The following MARCHF3 variants were observed in gnomAD, a reference collection of about 807,000 sequenced individuals.
MARCHF3 encodes the protein membrane associated ring-CH-type finger 3, also known as E3 ubiquitin-protein ligase MARCHF3.
In MARCHF3, 13 loss-of-function variants were observed where a neutral mutation model predicts 24.2. The observed-to-expected ratio is 0.54, with a 90% confidence interval of 0.35 to 0.85. The LOEUF is 0.85. Ranked by LOEUF, MARCHF3 falls within the 40% of genes least tolerant of loss-of-function variation. The pLI is 0.01. For missense variants in MARCHF3, 276 were observed against 325.0 expected (o/e 0.85, Z 1.16); for synonymous variants, 144 against 137.3 (o/e 1.05, Z -0.34).
chr5:126,894,871 G>A (rs1252734458), intron 3 of MARCHF3, among the ~76,000 whole-genome samples: 2 of 151,516 alleles, frequency 1.3e-5, no homozygotes, highest in African/African-American at 4.8e-5. Context: ...TGCTAGATTG[G>A]GGAAGTTCTC....
intron 3 of MARCHF3, among the ~76,000 whole-genome samples, chr5:126,895,598 G>C (rs530998658): frequency 6.6e-6 from 1 of 152,168 alleles, no homozygotes; most frequent in East Asian, 1.9e-4. Flanking sequence ...GCCCCTGCTG[G>C]GGGGTGCCTC....
chr5:126,954,104 C>T (rs1234202010), intron 1 of MARCHF3, among the ~76,000 whole-genome samples: 2 of 151,998 alleles, frequency 1.3e-5, no homozygotes, highest in Non-Finnish European at 2.9e-5. Context: ...GCAATCTCCG[C>T]TCACTGCAAG....
intron 1 of MARCHF3, among the ~76,000 whole-genome samples, chr5:126,968,881 G>C (rs1750904731): frequency 6.6e-6 from 1 of 152,138 alleles, no homozygotes. Flanking sequence ...TAAGTTGTAA[G>C]AATTCTTTAT....
In MARCHF3 at chr5:126,950,878, C is replaced by T. The variant is rs573736894; in HGVS notation, c.-56-32651G>A. Reference sequence around the variant, plus strand: ...CTTTTTCAGCTTTATTGAGGTATAACTAAAATATCCTAAATTGCACAAATA... The same window carrying T: ...CTTTTTCAGCTTTATTGAGGTATAATTAAAATATCCTAAATTGCACAAATA... On this transcript the variant is annotated intron_variant, in intron 1 of 4. Coordinates refer to ENST00000308660, the MANE Select transcript of MARCHF3 (RefSeq NM_178450.5). 4.6e-5 allele frequency among the ~76,000 whole-genome samples: 7 copies of T among 152,264 alleles called. No individual in the cohort carries two copies. The South Asian group carries it at 1.5e-3, about 32-fold the overall frequency.
intron 1 of MARCHF3, among the ~76,000 whole-genome samples, chr5:127,006,927 T>G (rs1383067064): frequency 6.6e-6 from 1 of 152,186 alleles, no homozygotes; most frequent in Non-Finnish European, 1.5e-5. Context: ...ATTTATGTCT[T>G]GTAACATTAC....
intron 1 of MARCHF3, among the ~76,000 whole-genome samples, chr5:127,004,341 T>G (rs1317826754): frequency 2.6e-5 from 4 of 152,196 alleles, no homozygotes; most frequent in African/African-American, 9.7e-5. Context: ...GCTGCTCTGT[T>G]TATTTTTAGC....
chr5:127,001,735 C>T (rs998704789), intron 1 of MARCHF3, among the ~76,000 whole-genome samples: 4 of 152,188 alleles, frequency 2.6e-5, no homozygotes, highest in African/African-American at 9.7e-5. Context: ...CACTTTTGTC[C>T]CTGTACAATC....
At position 126,892,364 on chromosome 5, in the gene MARCHF3, G is replaced by C. The variant is rs1464381800; in HGVS notation, c.394-13970C>G. On this transcript the variant is annotated intron_variant, in intron 3 of 4. Transcript: ENST00000308660. Reference sequence around the variant, plus strand: ...GTGAGAGAGGGCATCCCTGTCTTGTGCCAGTTTTCAAAGGGAATGCTTCCA... The same window carrying C: ...GTGAGAGAGGGCATCCCTGTCTTGTCCCAGTTTTCAAAGGGAATGCTTCCA... Among the ~76,000 whole-genome samples the C allele has an allele frequency of 7.2e-4, 107 of 149,618 alleles. 1 individual carries two copies. Among genetic ancestry groups the C allele is most frequent in the African/African-American group, 2.5e-3 (100 of 40,328 alleles).
chr5:126,872,754 G>A lies in MARCHF3; in HGVS notation c.604-1963C>T, dbSNP rs374201428. 1.2e-4 allele frequency among the ~76,000 whole-genome samples: 18 copies of A among 152,272 alleles called. No individual in the cohort carries two copies. In the South Asian group the frequency reaches 3.5e-3, roughly 30 times the overall value. On this transcript the variant is annotated intron_variant, in intron 4 of 4. Coordinates refer to ENST00000308660, the MANE Select transcript of MARCHF3 (RefSeq NM_178450.5). ...GGCTAGAAAGCAGATGCCACGGGCC[G>A]AGTGCCAGAGAGGGTTGAGTATGAA... is the stretch of plus-strand genomic sequence containing the variant.
chr5:127,022,386 A>G (rs1752833554), intron 1 of MARCHF3, among the ~76,000 whole-genome samples: 1 of 152,236 alleles, frequency 6.6e-6, no homozygotes, highest in Non-Finnish European at 1.5e-5. Flanking sequence ...GAGAATATCA[A>G]AGGAAGGACA....
intron 1 of MARCHF3, among the ~76,000 whole-genome samples, chr5:126,961,095 A>C (rs538447625): frequency 6.6e-6 from 1 of 152,254 alleles, no homozygotes; most frequent in African/African-American, 2.4e-5. Context: ...TGTTAGAGGC[A>C]ATTCCAGCTA....
rs1751269963 is a variant in MARCHF3 at position 126,978,239 on chromosome 5, A to G, written c.-57+52111T>C. On this transcript the variant is annotated intron_variant, in intron 1 of 4. Coordinates refer to ENST00000308660, the MANE Select transcript of MARCHF3 (RefSeq NM_178450.5). ...TGGATTTATTTTGGAGGGAACTGATAAAGTACTACATGTGACCTAAAGGCC... is the reference window on the plus strand; with the variant it reads ...TGGATTTATTTTGGAGGGAACTGATGAAGTACTACATGTGACCTAAAGGCC... 2.0e-5 allele frequency among the ~76,000 whole-genome samples: 3 copies of G among 152,362 alleles called. No homozygotes were observed. In the South Asian group the frequency reaches 6.2e-4, roughly 32 times the overall value.
chr5:126,963,305 T>A (rs1388206050), intron 1 of MARCHF3, among the ~76,000 whole-genome samples: 1 of 152,180 alleles, frequency 6.6e-6, no homozygotes, highest in African/African-American at 2.4e-5. Context: ...AATAATACAA[T>A]TCTTCTTTAA....
At chr5:126,924,449 C>G (rs989513967) in intron 1 of MARCHF3, among the ~76,000 whole-genome samples, 1 of 152,168 alleles carries the variant, frequency 6.6e-6, no homozygotes, top group African/African-American at 2.4e-5. Context: ...GAACTTTCCT[C>G]TCTGAGTTAG....
At chr5:127,015,183 T>C (rs1261806924) in intron 1 of MARCHF3, among the ~76,000 whole-genome samples, 1 of 152,194 alleles carries the variant, frequency 6.6e-6, no homozygotes, top group Non-Finnish European at 1.5e-5. Context: ...AATTCAGATA[T>C]GCTTTTGAAA....
intron 1 of MARCHF3, among the ~76,000 whole-genome samples, chr5:127,023,733 A>AAAAT (rs147240868): frequency 0.057 from 8,106 of 141,342 alleles, 460 homozygotes; most frequent in East Asian, 0.26. Flanking sequence ...TCTGTCTCAA[A>AAAAT]AAATAAATAA....
At chr5:127,013,183 T>C (rs1265261599) in intron 1 of MARCHF3, among the ~76,000 whole-genome samples, 1 of 152,160 alleles carries the variant, frequency 6.6e-6, no homozygotes. Context: ...CTCCCCAAAA[T>C]ACTTGAGAAA....
At chr5:127,005,199 C>T (rs185619376) in intron 1 of MARCHF3, among the ~76,000 whole-genome samples, 24 of 147,158 alleles carry the variant, frequency 1.6e-4, no homozygotes, top group African/African-American at 4.6e-4. Flanking sequence ...TACAGTGGCA[C>T]GATCTCAGCT....
At chr5:126,961,701 T>C (rs1050915305) in intron 1 of MARCHF3, among the ~76,000 whole-genome samples, 1 of 152,190 alleles carries the variant, frequency 6.6e-6, no homozygotes, top group African/African-American at 2.4e-5. Context: ...CAAACATATG[T>C]AATTTGGCTT....
Sources: gnomAD v4.1 joint callset for allele counts (sites outside exome capture counted in the v4.1 genomes callset) on GRCh38, gnomAD v4.1.1 for gene constraint, MANE v1.5 for transcripts, NCBI Gene and HGNC (gene_info 2026-07-23, HGNC 2026-07-21) for gene names.